SCN8A: variants seen among roughly 807,000 people sequenced by gnomAD.
SCN8A encodes sodium channel protein type 8 subunit alpha.
A neutral mutation model predicts 184.1 loss-of-function variants in SCN8A; 30 were observed. That is an observed-to-expected ratio of 0.16 (90% confidence interval 0.12 to 0.22). The LOEUF is 0.22. Among genes scored for constraint, SCN8A ranks in the 10% least tolerant of loss-of-function variants. The pLI is 1.00. For synonymous variants in SCN8A, 852 were observed against 907.0 expected (o/e 0.94, Z 1.09); for missense variants, 1,057 against 2,498.9 (o/e 0.42, Z 12.30).
chr12:51,764,857 C>T (rs1440304852), intron 15 of SCN8A, among the ~76,000 whole-genome samples: 1 of 146,306 alleles, frequency 6.8e-6, no homozygotes, highest in Non-Finnish European at 1.5e-5. Flanking sequence ...TCACCTCAAC[C>T]TCCACCTCCC....
chr12:51,737,194 T>C (rs1347493539), intron 12 of SCN8A, among the ~76,000 whole-genome samples: 1 of 152,210 alleles, frequency 6.6e-6, no homozygotes. Context: ...CAATCCGAGT[T>C]TTCCCAATCC....
At chr12:51,623,063 G>A (rs948468930) in intron 1 of SCN8A, among the ~76,000 whole-genome samples, 4 of 152,032 alleles carry the variant, frequency 2.6e-5, no homozygotes, top group African/African-American at 9.7e-5. Context: ...TGCTACTTGA[G>A]CACCTCCCTA....
At chr12:51,706,872 C>T (rs1261779982) in intron 11 of SCN8A, among the ~76,000 whole-genome samples, 157 bp downstream of exon 11, 1 of 152,044 alleles carries the variant, frequency 6.6e-6, no homozygotes, top group African/African-American at 2.4e-5. Context: ...CCCTCTATCC[C>T]CTCTTCTTCC....
Position 51,684,279 on chromosome 12 carries a change from A to C in SCN8A, c.382A>C (p.Ile128Leu). Residue 128 changes from isoleucine (I) to leucine (L), a missense_variant, in exon 3 of 27, where the codon ATT (isoleucine) becomes CTT (leucine). This residue lies in a region of SCN8A where 66 missense variants were observed against 276.4 expected (regional missense o/e 0.24). Transcript: ENST00000627620. ...FNLIRRIAIKILIHSVFSMII... is the reference protein window; with the variant it reads ...FNLIRRIAIKLLIHSVFSMII... ...CCTGATAAGAAGAATAGCTATTAAA[A>C]TTTTGATACATTCATATCCTTTTCG... 6.6e-7 allele frequency: 1 copy of C among 1,511,940 alleles called. No homozygotes were observed. The highest frequency in any genetic ancestry group is 9.2e-7 in the Non-Finnish European group (1 of 1,086,816). 93.7% of individuals were successfully genotyped at this position (1,511,940 alleles called of 1,614,324 possible). A position where few individuals can be genotyped will look rare whatever the true frequency, so the allele number is the denominator to read the frequency against.
At chr12:51,648,118 G>A (rs1202803227) in intron 1 of SCN8A, among the ~76,000 whole-genome samples, 2 of 152,170 alleles carry the variant, frequency 1.3e-5, no homozygotes, top group Non-Finnish European at 2.9e-5. Flanking sequence ...GATTGGGGGA[G>A]GTTCTTTATC....
At chr12:51,769,791 C>A in intron 17 of SCN8A, 77 bp from the exon 18 acceptor site, 3 of 943,826 alleles carry the variant, frequency 3.2e-6, no homozygotes, top group Non-Finnish European at 5.0e-6. Context: ...CTCATCCCCA[C>A]CAGAGGCAGA....
chr12:51,686,883 A>G (rs1485640872), intron 4 of SCN8A, among the ~76,000 whole-genome samples: 1 of 152,170 alleles, frequency 6.6e-6, no homozygotes, highest in Non-Finnish European at 1.5e-5. Context: ...GACCCAGTAC[A>G]ACATTCCAAA....
At chr12:51,747,392 T>C (rs983119304) in intron 13 of SCN8A, among the ~76,000 whole-genome samples, 11 of 152,156 alleles carry the variant, frequency 7.2e-5, no homozygotes, top group Admixed American at 7.2e-4. Context: ...GGCAAATAAC[T>C]GCAGGTCCTA....
intron 26 of SCN8A, among the ~76,000 whole-genome samples, chr12:51,805,198 A>G (rs1370352779): frequency 6.6e-6 from 1 of 152,168 alleles, no homozygotes; most frequent in Non-Finnish European, 1.5e-5. Flanking sequence ...TGAGTAATCT[A>G]AAATTATTTC....
At chr12:51,600,911 G>A (rs1939449517) in intron 1 of SCN8A, among the ~76,000 whole-genome samples, 1 of 152,134 alleles carries the variant, frequency 6.6e-6, no homozygotes, top group African/African-American at 2.4e-5. Context: ...CAGACATTTG[G>A]CAGAAGTCCC....
intron 19 of SCN8A, among the ~76,000 whole-genome samples, chr12:51,773,550 C>T (rs1942962222): frequency 6.6e-6 from 1 of 152,170 alleles, no homozygotes; most frequent in Admixed American, 6.5e-5. Flanking sequence ...CACTCATATG[C>T]TTCTGGTAGG....
chr12:51,780,584 T>C (rs1937880880), intron 20 of SCN8A, 65 bp from the exon 21 acceptor site: 8 of 308,006 alleles, frequency 2.6e-5, no homozygotes, highest in South Asian at 7.9e-5. Flanking sequence ...TTTTTTTTTT[T>C]TTTTTTTTTT....
Position 51,702,233 on chromosome 12 carries a change from A to T in SCN8A, c.993-540A>T, listed in dbSNP as rs188680472. 2.7e-3 allele frequency among the ~76,000 whole-genome samples: 413 copies of T among 151,602 alleles called. 1 individual carries two copies. The highest frequency in any genetic ancestry group is 9.5e-3 in the African/African-American group (391 of 41,280). On this transcript the variant is annotated intron_variant, in intron 8 of 26. Coordinates refer to ENST00000627620, the MANE Select transcript of SCN8A (RefSeq NM_001330260.2). Reference sequence around the variant, plus strand: ...GCTACTCGGGAGGCTGAGGCAGGAGAATCGCTTGAACCCAGAAGGCAGAGG... The same window carrying T: ...GCTACTCGGGAGGCTGAGGCAGGAGTATCGCTTGAACCCAGAAGGCAGAGG...
At chr12:51,656,163 T>C (rs139732097) in intron 1 of SCN8A, among the ~76,000 whole-genome samples, 2 of 152,196 alleles carry the variant, frequency 1.3e-5, no homozygotes, top group East Asian at 3.9e-4. Flanking sequence ...TGTCAGGAGG[T>C]TTAAAATAAG....
intron 1 of SCN8A, among the ~76,000 whole-genome samples, chr12:51,658,073 G>C (rs542931219): frequency 2.0e-5 from 3 of 152,050 alleles, no homozygotes; most frequent in Middle Eastern, 3.4e-3. Context: ...TGTTCCTTTT[G>C]CTCAGGATTA....
In SCN8A at chr12:51,673,406, ATGT is replaced by A. The variant is rs577478343; in HGVS notation, c.276+10320_276+10322del. On this transcript the variant is annotated intron_variant, in intron 2 of 26. Coordinates refer to ENST00000627620, the MANE Select transcript of SCN8A (RefSeq NM_001330260.2). Reference sequence around the variant, plus strand: ...CCCGTGGATACTGAGGAACAACTGTATGTTGTTGTGTTTAGTTCATTTGTTTTA... The same window carrying A: ...CCCGTGGATACTGAGGAACAACTGTATGTTGTGTTTAGTTCATTTGTTTTA... 1.5e-3 allele frequency among the ~76,000 whole-genome samples: 232 copies of A among 152,270 alleles called. 2 individuals are homozygous for A. Among genetic ancestry groups the A allele is most frequent in the Non-Finnish European group, 2.5e-3 (168 of 68,008 alleles).
rs1592174367 is a variant in SCN8A at position 51,806,501 on chromosome 12, A to G, written c.5015A>G (p.Asn1672Ser). 5.0e-6 allele frequency: 8 copies of G among 1,614,046 alleles called. No homozygotes were observed. The highest frequency in any genetic ancestry group is 6.8e-6 in the Non-Finnish European group (8 of 1,180,006). ...MFIFSIFGMS[N>S]FAYVKHEAGI... ...ATCTTCTCCATTTTTGGGATGTCCA[A>G]TTTTGCATATGTGAAGCACGAGGCT... is the stretch of plus-strand genomic sequence containing the variant. Residue 1672 changes from asparagine to serine, a missense_variant, in exon 27 of 27, where the codon AAT (asparagine) becomes AGT (serine). Asn to Ser is a conservative substitution (Grantham distance 46). This residue lies in a region of SCN8A where 19 missense variants were observed against 41.6 expected (regional missense o/e 0.46). Coordinates refer to ENST00000627620, the MANE Select transcript of SCN8A (RefSeq NM_001330260.2). The surrounding 1 kb of genome is among the most constrained non-coding windows in gnomAD (Gnocchi z 8.7).
At chr12:51,671,487 T>C (rs1941129716) in intron 2 of SCN8A, among the ~76,000 whole-genome samples, 1 of 152,198 alleles carries the variant, frequency 6.6e-6, no homozygotes, top group South Asian at 2.1e-4. Flanking sequence ...TTCCACTGAT[T>C]GGTAATTTTA....
At chr12:51,711,764 T>C (rs530449232) in intron 11 of SCN8A, among the ~76,000 whole-genome samples, 2 of 151,986 alleles carry the variant, frequency 1.3e-5, no homozygotes, top group South Asian at 4.2e-4. Context: ...AAGGTAATCG[T>C]AATGCTATTA....
Sources: allele counts gnomAD v4.1 joint callset (sites outside exome capture counted in the v4.1 genomes callset), GRCh38; gene constraint gnomAD v4.1.1; regional missense constraint gnomAD v4.1.1; non-coding constraint Gnocchi (gnomAD v3.1); transcripts MANE v1.5; gene names NCBI Gene and HGNC (gene_info 2026-07-23, HGNC 2026-07-21).